FBXL17: variants seen among roughly 807,000 people sequenced by gnomAD.
FBXL17 encodes the protein F-box/LRR-repeat protein 17.
A neutral mutation model predicts 66.2 loss-of-function variants in FBXL17; 22 were observed. The ratio of observed to expected loss-of-function variants is 0.33; its 90% CI spans 0.24 to 0.47. The LOEUF is 0.47. FBXL17 is among the 20% of genes least tolerant of loss of function. The pLI is 1.00. For missense variants in FBXL17, 878 were observed against 948.2 expected, an observed-to-expected ratio of 0.93 and a Z score of 0.97; for synonymous variants, 474 against 400.5, an observed-to-expected ratio of 1.18 and a Z score of -2.19.
chr5:108,351,560 C>A (rs924885802), intron 3 of FBXL17, among the ~76,000 whole-genome samples: 5 of 152,164 alleles, frequency 3.3e-5, no homozygotes, highest in African/African-American at 1.2e-4. Context: ...GGCCACTCTG[C>A]TGGTCAGCCT....
intron 7 of FBXL17, among the ~76,000 whole-genome samples, chr5:108,017,662 TAA>T (rs1754436153): frequency 6.6e-6 from 1 of 152,188 alleles, no homozygotes; most frequent in Non-Finnish European, 1.5e-5. Context: ...CTCTGACACC[TAA>T]GTTTGATTTT....
chr5:107,885,310 CT>C lies in FBXL17; in HGVS notation c.1823-4132del, dbSNP rs570746592. On this transcript the variant is annotated intron_variant, in intron 7 of 8. Coordinates refer to ENST00000542267, the MANE Select transcript of FBXL17 (RefSeq NM_001163315.3). ...TTGATGAAGGGTATACACTAACCCC[CT>C]AATAGTCATTCCCATAGACATACAA... 3.9e-4 allele frequency among the ~76,000 whole-genome samples: 59 copies of C among 152,284 alleles called. No homozygotes were observed. The East Asian group carries it at 4.6e-3, about 12-fold the overall frequency.
At chr5:108,241,987 C>T (rs771361738) in intron 4 of FBXL17, among the ~76,000 whole-genome samples, 24 of 152,062 alleles carry the variant, frequency 1.6e-4, no homozygotes, top group Non-Finnish European at 2.2e-4. Flanking sequence ...GGGATTTCAT[C>T]AACACTAGAT....
intron 7 of FBXL17, among the ~76,000 whole-genome samples, chr5:107,917,556 G>C (rs1449750774): frequency 6.6e-6 from 1 of 152,082 alleles, no homozygotes; most frequent in African/African-American, 2.4e-5. Context: ...GAATAAACAG[G>C]GTTAGCTCAT....
intron 4 of FBXL17, among the ~76,000 whole-genome samples, chr5:108,292,953 T>C (rs553557001): frequency 6.6e-6 from 1 of 152,106 alleles, no homozygotes; most frequent in East Asian, 1.9e-4. Flanking sequence ...TAGCAGGGCA[T>C]GCTGGCGGGT....
intron 7 of FBXL17, among the ~76,000 whole-genome samples, chr5:107,986,990 G>A (rs1420538894): frequency 6.6e-6 from 1 of 151,622 alleles, no homozygotes; most frequent in Non-Finnish European, 1.5e-5. Context: ...TTATTGACAT[G>A]TTAAACTGAA....
chr5:108,129,815 T>C (rs1343786709), intron 6 of FBXL17, among the ~76,000 whole-genome samples: 1 of 151,910 alleles, frequency 6.6e-6, no homozygotes, highest in Non-Finnish European at 1.5e-5. Context: ...ACTAAGATCT[T>C]TTACATCTAA....
At chr5:108,102,839 ATATATCT>A (rs1749651569) in intron 6 of FBXL17, among the ~76,000 whole-genome samples, 1 of 152,188 alleles carries the variant, frequency 6.6e-6, no homozygotes, top group African/African-American at 2.4e-5. Context: ...TATATAAATA[ATATATCT>A]TATAAGATAG....
chr5:108,318,034 C>T lies in FBXL17; in HGVS notation c.1506+30365G>A, dbSNP rs1158964585. ...AACAGATCACAAAAATATTCCAATGCCTGTATTTAATGTAAAATAATACGC... is the reference window on the plus strand; with the variant it reads ...AACAGATCACAAAAATATTCCAATGTCTGTATTTAATGTAAAATAATACGC... On this transcript the variant is annotated intron_variant, in intron 4 of 8. Transcript: ENST00000542267. Among the ~76,000 whole-genome samples, 4 of 151,510 alleles carry T rather than the reference C, an allele frequency of 2.6e-5. No individual in the cohort carries two copies. The East Asian group carries it at 7.7e-4, about 29-fold the overall frequency.
intron 3 of FBXL17, among the ~76,000 whole-genome samples, chr5:108,354,817 A>T (rs1747870569): frequency 6.6e-6 from 1 of 152,044 alleles, no homozygotes. Context: ...AATAAAAATT[A>T]TATCTAACTT....
At chr5:107,997,868 A>G (rs867086672) in intron 7 of FBXL17, among the ~76,000 whole-genome samples, 1 of 152,232 alleles carries the variant, frequency 6.6e-6, no homozygotes, top group South Asian at 2.1e-4. Context: ...GACTGATTGC[A>G]TATTTGCCAC....
At chr5:107,871,041 T>C (rs1748430432) in intron 8 of FBXL17, among the ~76,000 whole-genome samples, 1 of 94,266 alleles carries the variant, frequency 1.1e-5, no homozygotes, top group South Asian at 3.4e-4. Context: ...AGGTAAGAAA[T>C]ATTACTCTTG....
intron 8 of FBXL17, among the ~76,000 whole-genome samples, chr5:107,877,910 G>A (rs1052751247): frequency 4.6e-5 from 7 of 152,030 alleles, no homozygotes; most frequent in East Asian, 1.9e-4. Flanking sequence ...CTTCTTCTCC[G>A]TTCCCTAATC....
At chr5:108,176,751 T>C (rs62359506) in intron 6 of FBXL17, among the ~76,000 whole-genome samples, 1,963 of 152,208 alleles carry the variant, frequency 0.013, 19 homozygotes, top group South Asian at 0.021. Flanking sequence ...TAAATAACTA[T>C]AAGTACTAAA....
At chr5:108,321,706 T>G (rs905043298) in intron 4 of FBXL17, among the ~76,000 whole-genome samples, 3 of 149,196 alleles carry the variant, frequency 2.0e-5, no homozygotes, top group African/African-American at 7.4e-5. Context: ...TAAATGTAAA[T>G]AAATTTAAAA....
chr5:107,923,661 T>A (rs1750398633), intron 7 of FBXL17, among the ~76,000 whole-genome samples: 1 of 152,184 alleles, frequency 6.6e-6, no homozygotes, highest in African/African-American at 2.4e-5. Flanking sequence ...GAAATGCACT[T>A]TTAAGCTAGA....
intron 6 of FBXL17, among the ~76,000 whole-genome samples, chr5:108,112,025 C>T (rs1285510302): frequency 2.0e-5 from 3 of 152,082 alleles, no homozygotes; most frequent in East Asian, 1.9e-4. Context: ...TTTCTGGATG[C>T]GGCAAGGGAA....
intron 6 of FBXL17, among the ~76,000 whole-genome samples, chr5:108,145,966 C>A (rs867109733): frequency 6.6e-6 from 1 of 152,094 alleles, no homozygotes; most frequent in African/African-American, 2.4e-5. Flanking sequence ...CGCCTTTAAT[C>A]CCAGCACTTT....
chr5:108,314,251 A>G (rs1166000413), intron 4 of FBXL17, among the ~76,000 whole-genome samples: 1 of 151,702 alleles, frequency 6.6e-6, no homozygotes, highest in Non-Finnish European at 1.5e-5. Flanking sequence ...GTGATAAAAG[A>G]AAAAAAGGCA....
Sources: gnomAD v4.1 joint callset for allele counts (sites outside exome capture counted in the v4.1 genomes callset) on GRCh38, gnomAD v4.1.1 for gene constraint, MANE v1.5 for transcripts, NCBI Gene and HGNC (gene_info 2026-07-23, HGNC 2026-07-21) for gene names.